The following MATR3 variants were observed in gnomAD, a reference collection of about 807,000 sequenced individuals.
MATR3 encodes the protein matrin-3.
MATR3 carries 4 observed loss-of-function variants against 85.5 expected under a neutral mutation model. That is an observed-to-expected ratio of 0.05 (90% confidence interval 0.02 to 0.11). The LOEUF (loss-of-function observed/expected upper bound fraction) is 0.11. Among genes scored for constraint, MATR3 ranks in the 10% least tolerant of loss-of-function variants. MATR3 has a pLI of 1.00. For missense variants in MATR3, 685 were observed against 1,016.1 expected, an observed-to-expected ratio of 0.67 and a Z score of 4.43; for synonymous variants, 336 against 343.1, an observed-to-expected ratio of 0.98 and a Z score of 0.23.
intron 2 of MATR3, among the ~76,000 whole-genome samples, chr5:139,309,457 T>A (rs1022691401): frequency 2.6e-5 from 4 of 152,166 alleles, no homozygotes; most frequent in Non-Finnish European, 5.9e-5. Flanking sequence ...AGTAAATGAG[T>A]ATGGATTTTT....
At chr5:139,306,386 T>C (rs1416884903) in intron 1 of MATR3, among the ~76,000 whole-genome samples, 4 of 152,340 alleles carry the variant, frequency 2.6e-5, no homozygotes, top group Admixed American at 6.5e-5. Flanking sequence ...TTTTGTGCTC[T>C]AGATGTGCTG....
chr5:139,278,261 A>C, intron 2 of MATR3: 1 of 451,364 alleles, frequency 2.2e-6, no homozygotes, highest in Non-Finnish European at 4.4e-6. Flanking sequence ...ACACACACAC[A>C]CAATGCATTG....
At chr5:139,312,685 A>T (rs1050540375) in intron 2 of MATR3, 1 of 151,656 alleles carries the variant, frequency 6.6e-6, no homozygotes, top group Non-Finnish European at 1.5e-5. Context: ...AGACAGTTTC[A>T]CTCTTGCCCA....
At chr5:139,312,535 T>C (rs1755042092) in intron 2 of MATR3, 1 of 152,270 alleles carries the variant, frequency 6.6e-6, no homozygotes, top group Non-Finnish European at 1.5e-5. Flanking sequence ...TTAGCCATTA[T>C]TTTAAAAAGA....
chr5:139,315,629 G>A, intron 3 of MATR3, 68 bp from the exon 4 acceptor site: 2 of 995,016 alleles, frequency 2.0e-6, no homozygotes, highest in South Asian at 1.3e-5. Context: ...CTATTTTAGA[G>A]GCCAAACAAG....
In MATR3 at chr5:139,319,012, C is replaced by A. The variant is rs759836286; in HGVS notation, c.1413C>A (p.Ser471=). 1 of 1,613,114 alleles carries A rather than the reference C, an allele frequency of 6.2e-7. No individual in the cohort carries two copies. The highest frequency in any genetic ancestry group is 8.5e-7 in the Non-Finnish European group (1 of 1,179,322). ...VFGKPVRVHL[S]QKYKRIKKPE... is the part of the protein sequence containing the mutation. ...GCAAGCCAGTGAGAGTTCATTTATC[C>A]CAGAAGTATAAAAGAATAAAGGTAA... Residue 471 remains serine, a synonymous_variant, in exon 8 of 15, where the codon TCC becomes TCA. Coordinates refer to ENST00000394805, the MANE Select transcript of MATR3 (RefSeq NM_018834.6).
intron 1 of MATR3, among the ~76,000 whole-genome samples, chr5:139,295,436 G>T (rs1467323255): frequency 6.6e-6 from 1 of 152,120 alleles, no homozygotes; most frequent in African/African-American, 2.4e-5. Context: ...TTCTTCCTTT[G>T]CACTTAACAG....
intron 1 of MATR3, among the ~76,000 whole-genome samples, chr5:139,297,223 G>T (rs1016252923): frequency 6.6e-6 from 1 of 152,188 alleles, no homozygotes; most frequent in Admixed American, 6.5e-5. Context: ...GGGATGGACA[G>T]TGCTAAGTTT....
chr5:139,320,020 T>C (rs1039729968), intron 9 of MATR3, among the ~76,000 whole-genome samples: 4 of 148,730 alleles, frequency 2.7e-5, no homozygotes, highest in South Asian at 2.1e-4. Flanking sequence ...TTAAAAAATA[T>C]AGAGTTAGCC....
At chr5:139,326,913 A>T (rs1755879308) in intron 14 of MATR3, among the ~76,000 whole-genome samples, 1 of 152,192 alleles carries the variant, frequency 6.6e-6, no homozygotes, top group African/African-American at 2.4e-5. Context: ...TGGGAGTCTG[A>T]ATACTAAAAG....
chr5:139,320,421 A>G (rs2152000865), intron 9 of MATR3, among the ~76,000 whole-genome samples: 1 of 152,250 alleles, frequency 6.6e-6, no homozygotes, highest in Admixed American at 6.5e-5. Context: ...CTGACAACAT[A>G]TTGAGGCCAC....
intron 12 of MATR3, among the ~76,000 whole-genome samples, chr5:139,324,571 G>A (rs767343416): frequency 6.6e-6 from 1 of 152,098 alleles, no homozygotes; most frequent in Non-Finnish European, 1.5e-5. Flanking sequence ...TGGAATTACA[G>A]GTGTGAGCCA....
chr5:139,293,566 A>C, upstream of MATR3: 1 of 167,078 alleles, frequency 6.0e-6, no homozygotes, highest in East Asian at 1.6e-4. Context: ...TTAAAGAACA[A>C]CGACCGCAGG....
At chr5:139,275,300 C>G (rs2151844881) in intron 1 of MATR3, among the ~76,000 whole-genome samples, 1 of 151,962 alleles carries the variant, frequency 6.6e-6, no homozygotes, top group Non-Finnish European at 1.5e-5. Context: ...CCCGGCCTAA[C>G]ATTTTCGTTA....
rs780740117 is a variant in MATR3, at chr5:139,322,750, C to T, written c.1931C>T (p.Thr644Ile). The T allele has an allele frequency of 6.2e-7, 1 of 1,614,126 alleles. No homozygotes were observed. Among genetic ancestry groups the T allele is most frequent in the East Asian group, 2.2e-5 (1 of 44,882 alleles). ...DGEKDTKDDQ[T>I]EQEPNMLLES... ...GAGAAAGACACAAAGGATGACCAGA[C>T]AGAGCAGGAACCTAATATGCTTCTT... The change falls in exon 12 of 15, where the codon ACA (threonine) becomes ATA (isoleucine). Residue 644 changes from threonine (T) to isoleucine (I), a missense_variant. By Grantham distance (89) the Thr-to-Ile change is moderately conservative (BLOSUM62 -1). This residue lies in a region of MATR3 where 215 missense variants were observed against 194.7 expected (regional missense o/e 1.10). Coordinates refer to ENST00000394805, the MANE Select transcript of MATR3 (RefSeq NM_018834.6).
Position 139,322,454 on chromosome 5 carries a change from G to A in MATR3, c.1735-9G>A. On this transcript the variant is annotated splice_polypyrimidine_tract_variant and intron_variant, in intron 10 of 14. Transcript: ENST00000394805. ...ATGTGTTAACTTCTGCAAAACTTTT[G>A]TCTTTTAGATTCCAAACAGAGGCAT... The A allele has an allele frequency of 4.3e-6, 7 of 1,613,328 alleles. No homozygotes were observed. The highest frequency in any genetic ancestry group is 5.9e-6 in the Non-Finnish European group (7 of 1,179,416).
intron 3 of MATR3, among the ~76,000 whole-genome samples, chr5:139,286,308 A>G (rs1753701042): frequency 6.6e-6 from 1 of 151,990 alleles, no homozygotes; most frequent in Non-Finnish European, 1.5e-5. Context: ...ATTTGTCTCT[A>G]GCTGCAAGAT....
chr5:139,313,919 G>T, intron 2 of MATR3: 1 of 151,946 alleles, frequency 6.6e-6, no homozygotes, highest in Non-Finnish European at 1.5e-5. Context: ...TTTTGTTTTT[G>T]TTTTGTTTTG....
At chr5:139,289,619 A>G (rs1295151739), upstream of MATR3, among the ~76,000 whole-genome samples, 2 of 152,218 alleles carry the variant, frequency 1.3e-5, no homozygotes, top group Non-Finnish European at 2.9e-5. Flanking sequence ...CTGTTACTGT[A>G]AAGGAAATTA....
Sources: gnomAD v4.1 joint callset for allele counts (sites outside exome capture counted in the v4.1 genomes callset) on GRCh38, gnomAD v4.1.1 for gene constraint, gnomAD v4.1.1 regional missense constraint, MANE v1.5 for transcripts, NCBI Gene and HGNC (gene_info 2026-07-23, HGNC 2026-07-21) for gene names.